Variants in USP3 observed in about 807,000 individuals in gnomAD.
USP3 encodes ubiquitin specific peptidase 3.
USP3 carries 20 observed loss-of-function variants against 72.3 expected under a neutral mutation model. That is an observed-to-expected ratio of 0.28 (90% confidence interval 0.19 to 0.40). USP3 has a LOEUF of 0.40. Among genes scored for constraint, USP3 ranks in the 10% least tolerant of loss-of-function variants. The pLI is 1.00. For missense variants in USP3, 479 were observed against 633.9 expected (o/e 0.76, Z 2.62); for synonymous variants, 222 against 225.3 (o/e 0.99, Z 0.13).
At position 63,574,453 on chromosome 15, in the gene USP3, A is replaced by G. The variant is rs377138603; in HGVS notation, c.1096+50A>G. 41 of 1,377,380 alleles carry G rather than the reference A, an allele frequency of 3.0e-5. No individual in the cohort carries two copies. The African/African-American group carries it at 5.2e-4, about 17-fold the overall frequency. 85.3% of individuals were successfully genotyped at this position (1,377,380 alleles called of 1,614,324 possible). ...AATTTTTTTCTTTAAATAATTGAATAGATTGATAAGCTTCATCTATATGTG... is the reference window on the plus strand; with the variant it reads ...AATTTTTTTCTTTAAATAATTGAATGGATTGATAAGCTTCATCTATATGTG... On this transcript the variant is annotated intron_variant, in intron 11 of 14. Transcript: ENST00000380324. This position sits in a 1 kb window ranked among gnomAD's most constrained non-coding sequence, Gnocchi z 4.6.
In USP3 at chr15:63,520,554, A is replaced by ATTTTTTTTTTTTTT. The variant is rs35244583; in HGVS notation, c.92-12079_92-12066dup. 3.8e-5 allele frequency among the ~76,000 whole-genome samples: 4 copies of ATTTTTTTTTTTTTT among 105,424 alleles called. 2 individuals carry two copies. The highest frequency in any genetic ancestry group is 7.5e-5 in the African/African-American group (2 of 26,548). The allele number at this position is 105,424 out of a possible 152,430, so 69.2% of individuals were successfully genotyped here. ...TTTGTTTGTTTGATTTCTGTTTTAG[A>ATTTTTTTTTTTTTT]TTTTTTTTTTTTTTTTTTTTTTTTT... On this transcript the variant is annotated intron_variant, in intron 1 of 14. Transcript: ENST00000380324.
chr15:63,521,943 C>T (rs77310346), intron 1 of USP3, among the ~76,000 whole-genome samples: 5,067 of 152,268 alleles, frequency 0.033, 102 homozygotes, highest in Middle Eastern at 0.099. Flanking sequence ...TGGTCTCCTC[C>T]GGTGATTTGT....
intron 11 of USP3, among the ~76,000 whole-genome samples, chr15:63,579,075 A>T (rs62012775): frequency 0.13 from 20,273 of 152,274 alleles, 1,852 homozygotes; most frequent in South Asian, 0.2. Context: ...TTCTGTATGT[A>T]GCAAAATAAT....
At position 63,556,680 on chromosome 15, in the gene USP3, G is replaced by T. The variant is rs749505719; in HGVS notation, c.382G>T (p.Ala128Ser). The T allele has an allele frequency of 1.4e-5, 22 of 1,607,830 alleles. No homozygotes were observed. The highest frequency in any genetic ancestry group is 3.4e-6 in the Non-Finnish European group (4 of 1,177,276). Residue 128 changes from alanine (A) to serine (S), a missense_variant, in exon 5 of 15, where the codon GCT becomes TCT. Physicochemically the swap from Ala to Ser is moderately conservative, Grantham distance 99. Transcript: ENST00000380324. ...GTGTTTTAATAGCTCAGCTTTCACA[G>T]CTGACAGGCATAAGAAAAGAAAACT... Reference protein sequence around the residue: ...LQNLENSAFTADRHKKRKLLE... With the variant: ...LQNLENSAFTSDRHKKRKLLE...
rs1204707228 is a variant in USP3, at chr15:63,570,411, AG to A, written c.762-21del. ...AAAGAGCCCTCCACCCGGCCTTATA[AG>A]TGACTGTTTGTTTGCTTTAGGGGCT... On this transcript the variant is annotated intron_variant, in intron 8 of 14. Coordinates refer to ENST00000380324, the MANE Select transcript of USP3 (RefSeq NM_006537.4). This position sits in a 1 kb window ranked among gnomAD's most constrained non-coding sequence, Gnocchi z 4.4. 1 of 1,613,566 alleles carries A rather than the reference AG, an allele frequency of 6.2e-7. No individual in the cohort carries two copies.
intron 1 of USP3, among the ~76,000 whole-genome samples, chr15:63,514,638 T>C (rs1014025022): frequency 6.6e-6 from 1 of 152,188 alleles, no homozygotes; most frequent in Non-Finnish European, 1.5e-5. Flanking sequence ...AATGCAGATA[T>C]TAAGCCTATT....
chr15:63,578,525 T>C (rs2066902604), intron 11 of USP3, among the ~76,000 whole-genome samples: 1 of 141,484 alleles, frequency 7.1e-6, no homozygotes, highest in Admixed American at 7.4e-5. Flanking sequence ...GGCAGGAGAA[T>C]GGTGTGAACC....
Position 63,504,688 on chromosome 15 carries a change from C to G in USP3, c.-52C>G. ...GGAGCCTCCGGAGTTCCTCCGCCCCCACCTCGCCGGGTCCTGGAGCCGCAG... is the reference window on the plus strand; with the variant it reads ...GGAGCCTCCGGAGTTCCTCCGCCCCGACCTCGCCGGGTCCTGGAGCCGCAG... On this transcript the variant is annotated 5_prime_UTR_variant, in exon 1 of 15. Coordinates refer to ENST00000380324, the MANE Select transcript of USP3 (RefSeq NM_006537.4). 2.7e-6 allele frequency: 4 copies of G among 1,478,772 alleles called. No individual in the cohort carries two copies. Among genetic ancestry groups the G allele is most frequent in the South Asian group, 1.3e-5 (1 of 78,922 alleles). The allele number at this position is 1,478,772 out of a possible 1,614,324, so 91.6% of individuals were successfully genotyped here.
intron 11 of USP3, among the ~76,000 whole-genome samples, chr15:63,578,226 A>G (rs1041699474): frequency 6.6e-6 from 1 of 152,166 alleles, no homozygotes; most frequent in Non-Finnish European, 1.5e-5. Flanking sequence ...GTGAGCCGAG[A>G]TCGTGCCACT....
At chr15:63,534,758 A>G (rs1051605110) in intron 2 of USP3, among the ~76,000 whole-genome samples, 14 of 152,256 alleles carry the variant, frequency 9.2e-5, no homozygotes, top group African/African-American at 3.1e-4. Flanking sequence ...TGAGTTCTCA[A>G]AAATGTGCAA....
chr15:63,511,285 G>A (rs900026831), intron 1 of USP3, among the ~76,000 whole-genome samples: 728 of 11,540 alleles, frequency 0.063, 11 homozygotes, highest in Non-Finnish European at 0.15. Flanking sequence ...AAAAAAAAGA[G>A]TCTTTATTTT....
intron 3 of USP3, 67 bp downstream of exon 3, chr15:63,537,223 C>T: frequency 2.0e-6 from 3 of 1,533,824 alleles, no homozygotes; most frequent in Non-Finnish European, 2.6e-6. Context: ...CCCCTCCCTT[C>T]CCTCAGTCTC....
chr15:63,544,398 C>A lies in USP3; in HGVS notation c.284+7242C>A. ...GTGAGGTCTGGTAGAAAGAAAGTAA[C>A]TTTATTAACCAAAACTAGTGAAAGG... On this transcript the variant is annotated intron_variant, in intron 3 of 14. Transcript: ENST00000380324. The surrounding 1 kb of genome is among the most constrained non-coding windows in gnomAD (Gnocchi z 4.2). 3.1e-6 allele frequency: 1 copy of A among 327,306 alleles called. No homozygotes were observed. The highest frequency in any genetic ancestry group is 5.6e-6 in the Non-Finnish European group (1 of 177,244). The allele number at this position is 327,306 out of a possible 1,614,324, so 20.3% of individuals were successfully genotyped here.
intron 3 of USP3, among the ~76,000 whole-genome samples, chr15:63,537,694 C>CT (rs1194309421): frequency 6.6e-6 from 1 of 151,716 alleles, no homozygotes; most frequent in Non-Finnish European, 1.5e-5. Flanking sequence ...GCTATTTTTT[C>CT]TTTTTTTTGA....
chr15:63,591,386 T>TGTC lies in USP3; in HGVS notation c.*561_*563dup, dbSNP rs2067196576. The TGTC allele has an allele frequency of 6.6e-6, 1 of 152,316 alleles. No homozygotes were observed. Among genetic ancestry groups the TGTC allele is most frequent in the Admixed American group, 6.5e-5 (1 of 15,288 alleles). The allele number at this position is 152,316 out of a possible 1,614,324, so 9.4% of individuals were successfully genotyped here. On this transcript the variant is annotated 3_prime_UTR_variant, in exon 15 of 15. Coordinates refer to ENST00000380324, the MANE Select transcript of USP3 (RefSeq NM_006537.4). ...TTAAGTAGACCAGGTAATTACTGCT[T>TGTC]GTCTCTCAAGGCTGCTGTCTTTATC...
chr15:63,510,023 T>G (rs879613330), intron 1 of USP3, among the ~76,000 whole-genome samples: 1 of 152,230 alleles, frequency 6.6e-6, no homozygotes, highest in Admixed American at 6.5e-5. Context: ...TTATTTATCC[T>G]CAAAATAATT....
intron 1 of USP3, among the ~76,000 whole-genome samples, chr15:63,511,968 T>C (rs911209471): frequency 6.7e-6 from 1 of 149,718 alleles, no homozygotes; most frequent in African/African-American, 2.5e-5. Context: ...TTTTTTTTTT[T>C]TTTTTTGAGA....
chr15:63,560,371 G>A (rs922407104), intron 7 of USP3, among the ~76,000 whole-genome samples: 1 of 149,562 alleles, frequency 6.7e-6, no homozygotes, highest in East Asian at 1.9e-4. Flanking sequence ...AGCCGAGATC[G>A]CGCCACTGCC....
At chr15:63,513,419 A>C (rs1357395279) in intron 1 of USP3, among the ~76,000 whole-genome samples, 5 of 152,124 alleles carry the variant, frequency 3.3e-5, no homozygotes, top group African/African-American at 1.2e-4. Flanking sequence ...TCACTCTGTC[A>C]CCCAGTCTGG....
Sources: allele counts gnomAD v4.1 joint callset (sites outside exome capture counted in the v4.1 genomes callset), GRCh38; gene constraint gnomAD v4.1.1; non-coding constraint Gnocchi (gnomAD v3.1); transcripts MANE v1.5; gene names NCBI Gene and HGNC (gene_info 2026-07-23, HGNC 2026-07-21).